Variants in DCAF8L2 observed in about 807,000 individuals in gnomAD.
DCAF8L2 encodes DDB1- and CUL4-associated factor 8-like protein 2.
For synonymous variants in DCAF8L2, 200 were observed against 190.9 expected, an observed-to-expected ratio of 1.05 and a Z score of -0.39; for missense variants, 430 against 490.7, an observed-to-expected ratio of 0.88 and a Z score of 1.17.
At chrX:27,525,227 A>G in the DCAF8L2 span, among the ~76,000 whole-genome samples, 4 of 111,844 alleles carry the variant, frequency 3.6e-5, no homozygotes, top group Admixed American at 2.8e-4. Flanking sequence ...TATTGGGTGC[A>G]TATATATTTA....
the DCAF8L2 span, among the ~76,000 whole-genome samples, chrX:27,549,057 A>G: frequency 6.2e-5 from 7 of 112,208 alleles, no homozygotes; most frequent in Non-Finnish European, 1.1e-4. Context: ...AGTGTTCTTA[A>G]TTCTCTCAGT....
chrX:27,688,221 T>A (rs1363259559), intron 3 of DCAF8L2, among the ~76,000 whole-genome samples: 2 of 111,570 alleles, frequency 1.8e-5, no homozygotes, highest in African/African-American at 6.5e-5. Context: ...GTTTAGCATC[T>A]TTTTTTTACA....
chrX:27,594,784 C>A (rs1926276359), intron 1 of DCAF8L2, among the ~76,000 whole-genome samples: 1 of 111,450 alleles, frequency 9.0e-6, no homozygotes, highest in African/African-American at 3.3e-5. Flanking sequence ...AATAACAGGG[C>A]AAGCATTTTA....
chrX:27,734,873 C>A (rs1032553997), intron 4 of DCAF8L2, among the ~76,000 whole-genome samples: 1 of 111,543 alleles, frequency 9.0e-6, no homozygotes, highest in Non-Finnish European at 1.9e-5. Flanking sequence ...CAATAACTGG[C>A]GAAAAGCAAA....
chrX:27,689,177 A>G (rs943716487), intron 3 of DCAF8L2, among the ~76,000 whole-genome samples: 1 of 112,635 alleles, frequency 8.9e-6, no homozygotes. Flanking sequence ...TATTGAATGA[A>G]TGTACACAAA....
At chrX:27,591,011 ATAT>A (rs1176508326) in intron 1 of DCAF8L2, among the ~76,000 whole-genome samples, 6 of 97,493 alleles carry the variant, frequency 6.2e-5, no homozygotes, top group African/African-American at 1.8e-4. Context: ...ATATATATAT[ATAT>A]AAATAAATAA....
intron 2 of DCAF8L2, among the ~76,000 whole-genome samples, chrX:27,675,726 A>G (rs1474057514): frequency 1.8e-5 from 2 of 112,205 alleles, no homozygotes; most frequent in African/African-American, 6.5e-5. Context: ...TGAGAAAGAC[A>G]TAGGTGATGA....
intron 1 of DCAF8L2, among the ~76,000 whole-genome samples, chrX:27,611,434 T>C (rs1050579712): frequency 9.1e-6 from 1 of 109,631 alleles, no homozygotes; most frequent in African/African-American, 3.3e-5. Context: ...TTTTGCAATC[T>C]ACCCATCTGA....
intron 4 of DCAF8L2, among the ~76,000 whole-genome samples, chrX:27,724,936 C>T (rs778920271): frequency 2.8e-4 from 31 of 110,737 alleles, no homozygotes; most frequent in Non-Finnish European, 4.2e-4. Context: ...GTATATATTC[C>T]GTTTCTGAGA....
chrX:27,502,468 G>T, the DCAF8L2 span, among the ~76,000 whole-genome samples: 2 of 98,362 alleles, frequency 2.0e-5, no homozygotes, highest in Admixed American at 1.2e-4. Context: ...GCCTATGGTA[G>T]ACCTGAAAAA....
At chrX:27,722,200 T>A (rs1931920913) in intron 4 of DCAF8L2, among the ~76,000 whole-genome samples, 1 of 111,843 alleles carries the variant, frequency 8.9e-6, no homozygotes, top group South Asian at 3.6e-4. Context: ...TTCAAATCTG[T>A]CCTTTTTTAA....
At chrX:27,493,531 C>T in the DCAF8L2 span, among the ~76,000 whole-genome samples, 3 of 108,219 alleles carry the variant, frequency 2.8e-5, no homozygotes, top group Non-Finnish European at 5.7e-5. Context: ...GCCAACGTGA[C>T]GAAACCCTGT....
At chrX:27,604,566 T>A (rs781141909) in intron 1 of DCAF8L2, among the ~76,000 whole-genome samples, 1 of 111,749 alleles carries the variant, frequency 8.9e-6, no homozygotes, top group Non-Finnish European at 1.9e-5. Flanking sequence ...TCTGTAAATA[T>A]CTTATGAATG....
At chrX:27,543,598 G>T in the DCAF8L2 span, among the ~76,000 whole-genome samples, 1 of 111,482 alleles carries the variant, frequency 9.0e-6, no homozygotes, top group African/African-American at 3.3e-5. Context: ...TTTGGAATGG[G>T]GGTCTTACAA....
the DCAF8L2 span, among the ~76,000 whole-genome samples, chrX:27,530,791 T>A: frequency 1.8e-5 from 2 of 111,618 alleles, no homozygotes; most frequent in African/African-American, 6.5e-5. Context: ...GCTTTGCAAA[T>A]GAAAAGTAGG....
At chrX:27,642,519 A>T (rs1928776131) in intron 2 of DCAF8L2, among the ~76,000 whole-genome samples, 1 of 110,979 alleles carries the variant, frequency 9.0e-6, no homozygotes, top group African/African-American at 3.3e-5. Context: ...AAGAACACAG[A>T]TGAAGACTCA....
At chrX:27,628,935 T>C (rs1231467250) in intron 1 of DCAF8L2, among the ~76,000 whole-genome samples, 1 of 111,493 alleles carries the variant, frequency 9.0e-6, no homozygotes, top group Non-Finnish European at 1.9e-5. Flanking sequence ...ATAGATCTCA[T>C]TGTAGCTTTG....
the DCAF8L2 span, among the ~76,000 whole-genome samples, chrX:27,556,294 A>G: frequency 0.098 from 10,940 of 111,242 alleles, 414 homozygotes; most frequent in Non-Finnish European, 0.12. Flanking sequence ...TAACACAGAG[A>G]TACTAAAGAC....
chrX:27,609,782 C>T (rs1345130128), intron 1 of DCAF8L2, among the ~76,000 whole-genome samples: 1 of 111,961 alleles, frequency 8.9e-6, no homozygotes, highest in Non-Finnish European at 1.9e-5. Flanking sequence ...CACACTCACA[C>T]ACCCAAATCA....
Sources: allele counts gnomAD v4.1 joint callset (sites outside exome capture counted in the v4.1 genomes callset), GRCh38; gene constraint gnomAD v4.1.1; transcripts MANE v1.5; gene names NCBI Gene and HGNC (gene_info 2026-07-23, HGNC 2026-07-21).